CHODL: variants seen among roughly 807,000 people sequenced by gnomAD.
The protein encoded by CHODL is chondrolectin, also known as transmembrane protein MT75.
Under a neutral mutation model 34.5 loss-of-function variants are expected in CHODL, and 29 were observed. That is an observed-to-expected ratio of 0.84 (90% CI 0.63 to 1.15). The LOEUF (loss-of-function observed/expected upper bound fraction) is 1.15. Ranked by LOEUF, CHODL falls within the 50% of genes most tolerant of loss-of-function variation. The pLI is 0.00. For synonymous variants in CHODL, 125 were observed against 116.1 expected (o/e 1.08, Z -0.49); for missense variants, 332 against 332.5 (o/e 1.00, Z 0.01).
chr21:17,973,795 C>G lies in CHODL; in HGVS notation c.-144-54077C>G, dbSNP rs1349642291. 2.1e-5 allele frequency among the ~76,000 whole-genome samples: 3 copies of G among 143,828 alleles called. No homozygotes were observed. The Middle Eastern group carries it at 0.01, about 496-fold the overall frequency. The allele number at this position is 143,828 out of a possible 152,430, so 94.4% of individuals were successfully genotyped here. ...CTAAGTTGCCTTGTTAGGTTACTAT[C>G]TTTCAGGAAAAAAAAAAAAAAAGGA... On this transcript the variant is annotated intron_variant, in intron 1 of 6. Transcript: ENST00000400127.
intron 2 of CHODL, among the ~76,000 whole-genome samples, chr21:18,229,286 G>A (rs533184930): frequency 2.0e-4 from 30 of 152,212 alleles, no homozygotes; most frequent in African/African-American, 7.0e-4. Flanking sequence ...ATTTTGAATA[G>A]CAAACAACCC....
In CHODL at chr21:18,208,368, GA is replaced by G. The variant is rs370363653; in HGVS notation, c.-44-48140del. 2.5e-4 allele frequency among the ~76,000 whole-genome samples: 38 copies of G among 152,038 alleles called. No homozygotes were observed. The East Asian group carries it at 3.1e-3, about 12-fold the overall frequency. ...TCTCTTTGTTAAAGTAATGTGATAG[GA>G]TTCTGAATTCCTTCTCTGTGTTATC... is the stretch of plus-strand genomic sequence containing the variant. On this transcript the variant is annotated intron_variant, in intron 2 of 6. Coordinates refer to the CHODL transcript ENST00000400127.
intron 2 of CHODL, among the ~76,000 whole-genome samples, chr21:18,062,630 G>A (rs911740218): frequency 1.1e-4 from 16 of 152,096 alleles, no homozygotes; most frequent in Admixed American, 9.2e-4. Context: ...GCCCGATGTG[G>A]TGGTGCCCAC....
At chr21:18,248,549 A>T (rs1349053625) in intron 1 of CHODL, among the ~76,000 whole-genome samples, 2 of 145,298 alleles carry the variant, frequency 1.4e-5, no homozygotes, top group South Asian at 2.1e-4. Context: ...AGATGGCAGT[A>T]TCTGTTACAT....
At chr21:17,973,641 C>T (rs1369990514) in intron 1 of CHODL, among the ~76,000 whole-genome samples, 1 of 151,318 alleles carries the variant, frequency 6.6e-6, no homozygotes, top group Non-Finnish European at 1.5e-5. Flanking sequence ...GGGATGGTCT[C>T]GATCTCCTGA....
intron 1 of CHODL, among the ~76,000 whole-genome samples, chr21:18,248,804 ATATG>A (rs1257271225): frequency 1.7e-5 from 2 of 120,232 alleles, no homozygotes; most frequent in Non-Finnish European, 3.2e-5. Flanking sequence ...ATGTGTGTAT[ATATG>A]TATGTATATT....
chr21:17,961,177 A>G (rs1418017219), intron 1 of CHODL, among the ~76,000 whole-genome samples: 1 of 151,882 alleles, frequency 6.6e-6, no homozygotes, highest in Non-Finnish European at 1.5e-5. Flanking sequence ...ACATTGTTTT[A>G]CCTCTCTCCC....
At chr21:18,198,138 C>T (rs1031327835) in intron 2 of CHODL, among the ~76,000 whole-genome samples, 1 of 152,154 alleles carries the variant, frequency 6.6e-6, no homozygotes, top group Admixed American at 6.5e-5. Flanking sequence ...TTAGCATCTA[C>T]AGTTTTACCT....
At chr21:18,000,961 G>A (rs528821444) in intron 1 of CHODL, among the ~76,000 whole-genome samples, 1 of 151,986 alleles carries the variant, frequency 6.6e-6, no homozygotes, top group Non-Finnish European at 1.5e-5. Context: ...GATTAGTTTA[G>A]CACACTCTAC....
intron 2 of CHODL, among the ~76,000 whole-genome samples, chr21:18,102,760 G>A (rs1013770204): frequency 6.6e-6 from 1 of 152,104 alleles, no homozygotes; most frequent in Non-Finnish European, 1.5e-5. Flanking sequence ...TGAATATTTT[G>A]TTGATAGAAA....
intron 2 of CHODL, among the ~76,000 whole-genome samples, chr21:18,178,218 C>G (rs896841323): frequency 1.3e-5 from 2 of 152,082 alleles, no homozygotes; most frequent in Non-Finnish European, 2.9e-5. Context: ...TTTCATGAGG[C>G]TGTTTGAAAA....
chr21:18,163,929 C>T (rs2073125523), intron 2 of CHODL, among the ~76,000 whole-genome samples: 1 of 152,126 alleles, frequency 6.6e-6, no homozygotes, highest in African/African-American at 2.4e-5. Context: ...AAGAACAACC[C>T]CATTTAAATT....
At chr21:18,160,954 G>A (rs559425133) in intron 2 of CHODL, among the ~76,000 whole-genome samples, 10 of 152,308 alleles carry the variant, frequency 6.6e-5, no homozygotes, top group Non-Finnish European at 1.5e-4. Flanking sequence ...CACCAACTGT[G>A]TATAAGTGTT....
intron 2 of CHODL, among the ~76,000 whole-genome samples, chr21:18,135,465 T>A (rs1329112713): frequency 1.3e-5 from 2 of 152,100 alleles, no homozygotes; most frequent in Non-Finnish European, 2.9e-5. Context: ...CAGCGTTCCA[T>A]CCAATTATCT....
intron 1 of CHODL, 88 bp from the exon 2 acceptor site, chr21:18,256,421 T>A: frequency 8.1e-7 from 1 of 1,234,066 alleles, no homozygotes. Flanking sequence ...TATTTTCTGC[T>A]TTGACTGGTT....
chr21:18,258,479 ATTTAT>A (rs144893508), intron 3 of CHODL, among the ~76,000 whole-genome samples: 48,523 of 151,520 alleles, frequency 0.32, 9,822 homozygotes, highest in Middle Eastern at 0.44. Context: ...ATTGTATTAT[ATTTAT>A]TTTATTTTTG....
intron 2 of CHODL, among the ~76,000 whole-genome samples, chr21:18,208,018 C>T (rs943781909): frequency 2.6e-5 from 4 of 151,984 alleles, no homozygotes; most frequent in Non-Finnish European, 5.9e-5. Flanking sequence ...TTGGGAAGTT[C>T]TGTGTTATTA....
chr21:18,115,577 A>G (rs1283679012), intron 2 of CHODL, among the ~76,000 whole-genome samples: 1 of 152,128 alleles, frequency 6.6e-6, no homozygotes, highest in Non-Finnish European at 1.5e-5. Flanking sequence ...ATTATTTTCT[A>G]TTGCTCCAAA....
At chr21:18,132,511 A>C (rs186451959) in intron 2 of CHODL, among the ~76,000 whole-genome samples, 1 of 152,196 alleles carries the variant, frequency 6.6e-6, no homozygotes, top group Non-Finnish European at 1.5e-5. Flanking sequence ...TTGTTTTAAC[A>C]TCTATACATC....
Sources: allele counts gnomAD v4.1 joint callset (sites outside exome capture counted in the v4.1 genomes callset), GRCh38; gene constraint gnomAD v4.1.1; transcripts MANE v1.5; gene names NCBI Gene and HGNC (gene_info 2026-07-23, HGNC 2026-07-21).